COL5A2: variants seen among roughly 807,000 people sequenced by gnomAD.
COL5A2 encodes the protein collagen alpha-2(V) chain.
COL5A2 carries 23 observed loss-of-function variants against 208.2 expected under a neutral mutation model. The ratio of observed to expected loss-of-function variants is 0.11; its 90% confidence interval spans 0.08 to 0.16. COL5A2 has a LOEUF of 0.16. Among genes scored for constraint, COL5A2 ranks in the 10% least tolerant of loss-of-function variants. The pLI is 1.00. For missense variants in COL5A2, 1,590 were observed against 1,956.4 expected, an observed-to-expected ratio of 0.81 and a Z score of 3.53; for synonymous variants, 625 against 628.5, an observed-to-expected ratio of 0.99 and a Z score of 0.08.
chr2:189,240,309 C>G, the COL5A2 span, among the ~76,000 whole-genome samples: 1 of 152,098 alleles, frequency 6.6e-6, no homozygotes, highest in Non-Finnish European at 1.5e-5. Context: ...CTCTTCATAG[C>G]TTGTAGGTGA....
intron 35 of COL5A2, chr2:189,056,691 G>T: frequency 2.1e-6 from 1 of 484,468 alleles, no homozygotes. Context: ...CCTTGTGTAT[G>T]AAATAAAAAG....
chr2:189,395,262 T>C, the COL5A2 span, among the ~76,000 whole-genome samples: 22 of 152,232 alleles, frequency 1.4e-4, no homozygotes, highest in African/African-American at 5.1e-4. Context: ...TGGACAAAGA[T>C]AATGTTTACA....
intron 1 of COL5A2, among the ~76,000 whole-genome samples, chr2:189,163,196 ATTATTC>A (rs965142248): frequency 6.6e-6 from 1 of 152,036 alleles, no homozygotes; most frequent in Non-Finnish European, 1.5e-5. Flanking sequence ...TTTCCTCATT[ATTATTC>A]TTATTCTTAT....
chr2:189,363,648 A>T, the COL5A2 span, among the ~76,000 whole-genome samples: 1 of 152,172 alleles, frequency 6.6e-6, no homozygotes, highest in African/African-American at 2.4e-5. Flanking sequence ...TATGGTACTA[A>T]CAGCCTCTTA....
chr2:189,352,204 A>G, the COL5A2 span, among the ~76,000 whole-genome samples: 1 of 151,998 alleles, frequency 6.6e-6, no homozygotes, highest in Non-Finnish European at 1.5e-5. Context: ...TCTAAAACTG[A>G]TGGTCTTTTG....
the COL5A2 span, among the ~76,000 whole-genome samples, chr2:189,346,071 A>C: frequency 6.6e-6 from 1 of 152,228 alleles, no homozygotes; most frequent in Non-Finnish European, 1.5e-5. Context: ...AGTTTAAAAA[A>C]TCCTGGATTA....
At chr2:189,180,760 T>C (rs1488130833), upstream of COL5A2, among the ~76,000 whole-genome samples, 1 of 152,190 alleles carries the variant, frequency 6.6e-6, no homozygotes, top group Non-Finnish European at 1.5e-5. Flanking sequence ...TTGCAGGGAA[T>C]ATGATAGCCC....
chr2:189,057,091 T>C, intron 34 of COL5A2, 65 bp from the exon 35 acceptor site: 1 of 1,543,916 alleles, frequency 6.5e-7, no homozygotes, highest in Non-Finnish European at 9.0e-7. Context: ...TGTGTGTAAG[T>C]TTCATGAGAG....
intron 1 of COL5A2, among the ~76,000 whole-genome samples, chr2:189,165,472 A>G (rs1688445902): frequency 6.6e-6 from 1 of 152,192 alleles, no homozygotes. Context: ...GTAACTGGGA[A>G]TAATCTGATA....
rs140785678 is a variant in COL5A2 at position 189,079,083 on chromosome 2, T to C, written c.985A>G (p.Met329Val). Residue 329 changes from methionine (M) to valine (V), a missense_variant, in exon 15 of 54, where the codon ATG becomes GTG. Met to Val is a conservative substitution (Grantham distance 21). Coordinates refer to ENST00000374866, the MANE Select transcript of COL5A2 (RefSeq NM_000393.5). ...CATACCAGAGGACCCATGGCACCCA[T>C]TGGACCAGTGGGGCCAGCTTCACCC... ...SKGEAGPTGP[M>V]GAMGPLGPRG... 40 of 1,613,146 alleles carry C rather than the reference T, an allele frequency of 2.5e-5. No individual in the cohort carries two copies. Among genetic ancestry groups the C allele is most frequent in the African/African-American group, 2.1e-4 (16 of 74,992 alleles).
At chr2:189,379,721 T>C in the COL5A2 span, among the ~76,000 whole-genome samples, 1 of 152,204 alleles carries the variant, frequency 6.6e-6, no homozygotes, top group Non-Finnish European at 1.5e-5. Context: ...TCATAGTTAG[T>C]AACAAAGCTA....
At position 189,063,003 on chromosome 2, in the gene COL5A2, T is replaced by C; in HGVS notation, c.1923+7A>G. 6.2e-7 allele frequency: 1 copy of C among 1,614,174 alleles called. No individual in the cohort carries two copies. Among genetic ancestry groups the C allele is most frequent in the Middle Eastern group, 1.7e-4 (1 of 6,060 alleles). On this transcript the variant is annotated splice_region_variant and intron_variant, in intron 28 of 53. Transcript: ENST00000374866. ...TTATTTTTCTTTAGCAGAAAATGTA[T>C]ATTTACCCTCTGCCCAGGAACTCCA...
chr2:189,121,694 A>G (rs527410996), intron 1 of COL5A2, among the ~76,000 whole-genome samples: 52 of 125,196 alleles, frequency 4.2e-4, no homozygotes, highest in African/African-American at 1.5e-3. Flanking sequence ...CCGAAATTGC[A>G]CCACTGCACT....
At chr2:189,295,617 A>G in the COL5A2 span, among the ~76,000 whole-genome samples, 2 of 152,202 alleles carry the variant, frequency 1.3e-5, no homozygotes, top group African/African-American at 4.8e-5. Context: ...TCAGTCTCAA[A>G]AAAAAGATTC....
the COL5A2 span, among the ~76,000 whole-genome samples, chr2:189,231,593 C>A: frequency 4.6e-5 from 7 of 151,594 alleles, no homozygotes; most frequent in African/African-American, 1.7e-4. Context: ...GCCTGACCCC[C>A]CAGCTTGAGT....
chr2:189,237,212 G>T, the COL5A2 span, among the ~76,000 whole-genome samples: 1 of 151,348 alleles, frequency 6.6e-6, no homozygotes, highest in South Asian at 2.1e-4. Context: ...AGTTGCAATT[G>T]TTTTTTTACT....
chr2:189,354,176 G>A, the COL5A2 span, among the ~76,000 whole-genome samples: 1 of 152,214 alleles, frequency 6.6e-6, no homozygotes, highest in African/African-American at 2.4e-5. Flanking sequence ...GCTTGATTTG[G>A]TTTGCCAGTA....
At chr2:189,190,095 G>A (rs1229759417) in intron 1 of COL5A2, among the ~76,000 whole-genome samples, 3 of 152,072 alleles carry the variant, frequency 2.0e-5, no homozygotes, top group Non-Finnish European at 4.4e-5. Context: ...AAGGCCCTGT[G>A]AACACTTCCT....
In COL5A2 at chr2:189,033,643, T is replaced by G. The variant is rs899056525; in HGVS notation, c.*427A>C. The G allele has an allele frequency of 5.3e-6, 1 of 190,222 alleles. No homozygotes were observed. Among genetic ancestry groups the G allele is most frequent in the Non-Finnish European group, 1.1e-5 (1 of 89,546 alleles). The allele number at this position is 190,222 out of a possible 1,614,324, so 11.8% of individuals were successfully genotyped here. A position where few individuals can be genotyped will look rare whatever the true frequency, so the allele number is the denominator to read the frequency against. On this transcript the variant is annotated 3_prime_UTR_variant, in exon 54 of 54. Transcript: ENST00000374866. The stretch of plus-strand genomic sequence containing the variant: ...AGGGCACTAATTTCTATTTTTCAAC[T>G]GCAGCCAAGCAAAATAAACATGTGT...
Sources: gnomAD v4.1 joint callset for allele counts (sites outside exome capture counted in the v4.1 genomes callset) on GRCh38, gnomAD v4.1.1 for gene constraint, MANE v1.5 for transcripts, NCBI Gene and HGNC (gene_info 2026-07-23, HGNC 2026-07-21) for gene names.